TCF7L2: variants seen among roughly 807,000 people sequenced by gnomAD.
TCF7L2 encodes the protein transcription factor 7 like 2.
In TCF7L2, 23 loss-of-function variants were observed where a neutral mutation model predicts 77.9. That is an observed-to-expected ratio of 0.30 (90% CI 0.21 to 0.42). The LOEUF is 0.42. Among genes scored for constraint, TCF7L2 ranks in the 10% least tolerant of loss-of-function variants. The pLI, the probability that TCF7L2 is intolerant of heterozygous loss-of-function variation, is 1.00. For synonymous variants in TCF7L2, 413 were observed against 340.2 expected (o/e 1.21, Z -2.36); for missense variants, 654 against 793.1 (o/e 0.82, Z 2.11).
chr10:113,033,081 G>A (rs1324349588), intron 4 of TCF7L2, among the ~76,000 whole-genome samples: 1 of 151,964 alleles, frequency 6.6e-6, no homozygotes, highest in Non-Finnish European at 1.5e-5. Flanking sequence ...AAAGAGTTCC[G>A]ACTATGTTGG....
chr10:113,100,920 A>T (rs76433972), intron 5 of TCF7L2, among the ~76,000 whole-genome samples: 4,756 of 152,136 alleles, frequency 0.031, 264 homozygotes, highest in African/African-American at 0.11. Context: ...CACTAAAAAT[A>T]TAAAATTAGG....
intron 5 of TCF7L2, among the ~76,000 whole-genome samples, chr10:113,063,348 A>G (rs957484288): frequency 6.6e-6 from 1 of 152,202 alleles, no homozygotes; most frequent in African/African-American, 2.4e-5. Context: ...GGGCCACCCA[A>G]CCAAACTGTG....
In TCF7L2 at chr10:113,154,080, G is replaced by C. The variant is rs886509024; in HGVS notation, c.1269+1640G>C. 3.3e-5 allele frequency among the ~76,000 whole-genome samples: 5 copies of C among 152,356 alleles called. No individual in the cohort carries two copies. The South Asian group carries it at 1.0e-3, about 32-fold the overall frequency. The stretch of plus-strand genomic sequence containing the variant: ...CTGCTGAGAGCCCTTGTCGCCGACA[G>C]ATGGGCTTGCACGGGGTCTCCACTG... On this transcript the variant is annotated intron_variant, in intron 11 of 13. Transcript: ENST00000627217.
At chr10:112,992,300 T>C (rs1459814989) in intron 4 of TCF7L2, among the ~76,000 whole-genome samples, 1 of 152,154 alleles carries the variant, frequency 6.6e-6, no homozygotes, top group Non-Finnish European at 1.5e-5. Flanking sequence ...TGAATGTGCG[T>C]CGGTAGCATA....
intron 5 of TCF7L2, among the ~76,000 whole-genome samples, chr10:113,122,404 G>T (rs1191993377): frequency 1.3e-5 from 2 of 152,174 alleles, no homozygotes; most frequent in South Asian, 4.1e-4. Context: ...TAAAAAACTT[G>T]TTAGATTAAA....
intron 4 of TCF7L2, among the ~76,000 whole-genome samples, chr10:113,010,319 T>C (rs895921969): frequency 6.6e-6 from 1 of 152,194 alleles, no homozygotes; most frequent in Non-Finnish European, 1.5e-5. Context: ...CCCAATGTGC[T>C]GCACATTAGG....
rs573933496 is a variant in TCF7L2 at position 112,951,647 on chromosome 10, C to A, written c.381+40C>A. On this transcript the variant is annotated intron_variant, in intron 3 of 13. Coordinates refer to ENST00000627217, the MANE Select transcript of TCF7L2 (RefSeq NM_001146274.2). Reference sequence around the variant, plus strand: ...GCCCGGCCCCCGCCCGCTGCCCGCCCGCCCGCGCCGCCCGCCGGGCCCCGC... The same window carrying A: ...GCCCGGCCCCCGCCCGCTGCCCGCCAGCCCGCGCCGCCCGCCGGGCCCCGC... 7.3e-4 allele frequency: 772 copies of A among 1,063,004 alleles called. 6 individuals are homozygous for A. The African/African-American group carries it at 0.013, about 18-fold the overall frequency. The allele number at this position is 1,063,004 out of a possible 1,614,324, so 65.8% of individuals were successfully genotyped here.
chr10:113,014,518 C>T (rs1003335201), intron 4 of TCF7L2, among the ~76,000 whole-genome samples: 3 of 152,200 alleles, frequency 2.0e-5, no homozygotes, highest in Non-Finnish European at 4.4e-5. Flanking sequence ...ATTGGCTGGG[C>T]GTGGTGGCGC....
Position 113,166,451 on chromosome 10 carries a change from C to CT in TCF7L2, c.*494dup, listed in dbSNP as rs5787989. ...GGGCACCATGAATGCAGTGCCGTTA[C>CT]TTTTTTTTTTTTTTTCTGTGTGAAA... On this transcript the variant is annotated 3_prime_UTR_variant, in exon 14 of 14. Coordinates refer to ENST00000627217, the MANE Select transcript of TCF7L2 (RefSeq NM_001146274.2). 130,952 of 177,194 alleles carry CT rather than the reference C, an allele frequency of 0.74. 46,721 individuals carry two copies. Among genetic ancestry groups the CT allele is most frequent in the African/African-American group, 0.88 (35,033 of 39,722 alleles). The allele number at this position is 177,194 out of a possible 1,614,324, so 11.0% of individuals were successfully genotyped here.
At chr10:113,085,761 T>C (rs189682425) in intron 5 of TCF7L2, among the ~76,000 whole-genome samples, 161 of 152,344 alleles carry the variant, frequency 1.1e-3, no homozygotes, top group African/African-American at 3.8e-3. Flanking sequence ...CTCTCTTGAC[T>C]TGATCCAGCC....
At chr10:112,964,930 G>A (rs923619422) in intron 4 of TCF7L2, among the ~76,000 whole-genome samples, 10 of 152,092 alleles carry the variant, frequency 6.6e-5, no homozygotes, top group South Asian at 4.1e-4. Context: ...ATTGTTAAGA[G>A]TTTCTTGACC....
chr10:113,022,611 T>A (rs1394122374), intron 4 of TCF7L2, among the ~76,000 whole-genome samples: 1 of 152,224 alleles, frequency 6.6e-6, no homozygotes, highest in Non-Finnish European at 1.5e-5. Flanking sequence ...ATTTACTTTT[T>A]GGATGATTTA....
chr10:113,034,123 C>T (rs1206007496), intron 4 of TCF7L2, among the ~76,000 whole-genome samples: 1 of 152,222 alleles, frequency 6.6e-6, no homozygotes, highest in African/African-American at 2.4e-5. Flanking sequence ...AAGAGACAAT[C>T]AGGCCTCTTC....
intron 4 of TCF7L2, among the ~76,000 whole-genome samples, chr10:113,028,499 A>T (rs1048228302): frequency 6.6e-6 from 1 of 152,206 alleles, no homozygotes; most frequent in Non-Finnish European, 1.5e-5. Flanking sequence ...AAATTTGGAC[A>T]GGGAGACCCT....
At chr10:113,132,974 T>C (rs1030409401) in intron 5 of TCF7L2, 1 of 152,148 alleles carries the variant, frequency 6.6e-6, no homozygotes, top group Non-Finnish European at 1.5e-5. Flanking sequence ...AAGAAAACCC[T>C]GGAAACTCGC....
chr10:113,145,369 C>G (rs1165394327), intron 7 of TCF7L2, among the ~76,000 whole-genome samples: 1 of 152,064 alleles, frequency 6.6e-6, no homozygotes, highest in Non-Finnish European at 1.5e-5. Context: ...TCAGACAACC[C>G]TCTGTCAGAA....
intron 5 of TCF7L2, chr10:113,132,120 C>G (rs1024214252): frequency 2.0e-5 from 3 of 152,236 alleles, no homozygotes; most frequent in African/African-American, 7.2e-5. Flanking sequence ...TCCTTTCTGT[C>G]GGTCTTTGCT....
At chr10:113,034,712 A>G (rs746672540) in intron 4 of TCF7L2, among the ~76,000 whole-genome samples, 1 of 152,112 alleles carries the variant, frequency 6.6e-6, no homozygotes, top group South Asian at 2.1e-4. Context: ...CCTGACCAAC[A>G]TGGTAAAACC....
intron 5 of TCF7L2, among the ~76,000 whole-genome samples, chr10:113,093,167 G>A (rs555209732): frequency 3.3e-5 from 5 of 152,162 alleles, no homozygotes; most frequent in African/African-American, 1.2e-4. Context: ...AGGAACTACT[G>A]TACGAACTAC....
Sources: gnomAD v4.1 joint callset for allele counts (sites outside exome capture counted in the v4.1 genomes callset) on GRCh38, gnomAD v4.1.1 for gene constraint, MANE v1.5 for transcripts, NCBI Gene and HGNC (gene_info 2026-07-23, HGNC 2026-07-21) for gene names.